The following SLC1A4 variants were observed in gnomAD, a reference collection of about 807,000 sequenced individuals.
SLC1A4 encodes the protein neutral amino acid transporter A.
A neutral mutation model predicts 37.7 loss-of-function variants in SLC1A4; 19 were observed. The ratio of observed to expected loss-of-function variants is 0.50; its 90% CI spans 0.35 to 0.74. The LOEUF (loss-of-function observed/expected upper bound fraction) is 0.74, where lower values mean the gene tolerates loss of function less well. Ranked by LOEUF, SLC1A4 falls within the 30% of genes least tolerant of loss-of-function variation. SLC1A4 has a pLI of 0.01. For synonymous variants in SLC1A4, 299 were observed against 309.8 expected (o/e 0.97, Z 0.37); for missense variants, 570 against 712.9 (o/e 0.80, Z 2.28).
chr2:65,002,641 G>A (rs374732702), intron 2 of SLC1A4, among the ~76,000 whole-genome samples: 17 of 139,724 alleles, frequency 1.2e-4, no homozygotes, highest in Admixed American at 9.5e-4. Context: ...GCAGTGGCGC[G>A]ATCTTGGCTC....
intron 4 of SLC1A4, among the ~76,000 whole-genome samples, chr2:65,014,816 A>C (rs1261697327): frequency 6.6e-6 from 1 of 152,270 alleles, no homozygotes; most frequent in Admixed American, 6.5e-5. Flanking sequence ...GTTTGTAACG[A>C]TAAACCTGGG....
At chr2:65,017,472 T>C (rs1376454814) in intron 5 of SLC1A4, among the ~76,000 whole-genome samples, 1 of 151,900 alleles carries the variant, frequency 6.6e-6, no homozygotes, top group East Asian at 1.9e-4. Context: ...TGGATGGCTA[T>C]TTATATAACA....
chr2:64,989,127 C>T (rs1417062633), upstream of SLC1A4, among the ~76,000 whole-genome samples: 1 of 151,940 alleles, frequency 6.6e-6, no homozygotes, highest in Non-Finnish European at 1.5e-5. Flanking sequence ...GTTAGCCGGG[C>T]GGGTAGGCGG....
At chr2:65,019,923 G>A (rs1475719295) in intron 7 of SLC1A4, among the ~76,000 whole-genome samples, 1 of 152,252 alleles carries the variant, frequency 6.6e-6, no homozygotes, top group Non-Finnish European at 1.5e-5. Context: ...TCTGCAGACA[G>A]CAGGACGGCA....
chr2:65,009,980 G>A (rs943180516), intron 3 of SLC1A4, among the ~76,000 whole-genome samples: 6 of 151,316 alleles, frequency 4.0e-5, no homozygotes, highest in African/African-American at 1.5e-4. Flanking sequence ...CGCCCAGGCT[G>A]GAGTGCAATG....
In SLC1A4 at chr2:65,018,721, G is replaced by C; in HGVS notation, c.1364+42G>C. The C allele has an allele frequency of 6.2e-7, 1 of 1,610,136 alleles. No individual in the cohort carries two copies. The highest frequency in any genetic ancestry group is 1.3e-5 in the African/African-American group (1 of 75,022). On this transcript the variant is annotated intron_variant, in intron 7 of 7. Transcript: ENST00000234256. The surrounding 1 kb of genome is among the most constrained non-coding windows in gnomAD (Gnocchi z 4.3). ...GAGAACACCAAAAAGAGTCTGCACT[G>C]AGTTCCCTAGGAGCTTAGCACTGCT...
At position 65,018,664 on chromosome 2, in the gene SLC1A4, C is replaced by T; in HGVS notation, c.1349C>T (p.Ala450Val). The T allele has an allele frequency of 1.2e-6, 2 of 1,614,178 alleles. No homozygotes were observed. Among genetic ancestry groups the T allele is most frequent in the Non-Finnish European group, 1.7e-6 (2 of 1,180,020 alleles). The change falls in exon 7 of 8, where the codon GCT becomes GTT. Residue 450 changes from alanine (A) to valine (V), a missense_variant. Coordinates refer to ENST00000234256, the MANE Select transcript of SLC1A4 (RefSeq NM_003038.5). This position sits in a 1 kb window ranked among gnomAD's most constrained non-coding sequence, Gnocchi z 4.3. ...ACTCATGACCTGCCTCTGATCCTGG[C>T]TGTGGACTGGATTGTGTAAGTAACA... ...LPTHDLPLIL[A>V]VDWIVDRTTT...
At chr2:65,003,455 A>C (rs970754100) in intron 2 of SLC1A4, among the ~76,000 whole-genome samples, 9 of 152,198 alleles carry the variant, frequency 5.9e-5, no homozygotes, top group Middle Eastern at 3.2e-3. Flanking sequence ...CCTGGCTTTC[A>C]AGAGTGGAGG....
At chr2:65,009,844 G>A (rs1174052861) in intron 3 of SLC1A4, among the ~76,000 whole-genome samples, 10 of 152,148 alleles carry the variant, frequency 6.6e-5, no homozygotes, top group African/African-American at 9.7e-5. Flanking sequence ...GAAGTTTGTC[G>A]GCTAGGAGGT....
chr2:65,021,483 T>C lies in SLC1A4; in HGVS notation c.*337T>C. ...CTGTGTGGTTACATCTTGGAAAAAA[T>C]GCAGATGTATTTCACTCTCCCCGGT... On this transcript the variant is annotated 3_prime_UTR_variant, in exon 8 of 8. Coordinates refer to ENST00000234256, the MANE Select transcript of SLC1A4 (RefSeq NM_003038.5). 3.4e-6 allele frequency: 1 copy of C among 290,364 alleles called. No individual in the cohort carries two copies. The highest frequency in any genetic ancestry group is 6.5e-6 in the Non-Finnish European group (1 of 154,144). The allele number at this position is 290,364 out of a possible 1,614,324, so 18.0% of individuals were successfully genotyped here. A position where few individuals can be genotyped will look rare whatever the true frequency, so the allele number is the denominator to read the frequency against.
At chr2:65,016,013 A>G (rs958345091) in intron 4 of SLC1A4, among the ~76,000 whole-genome samples, 1 of 152,252 alleles carries the variant, frequency 6.6e-6, no homozygotes, top group East Asian at 1.9e-4. Flanking sequence ...ATTTTCTATC[A>G]CAGCCACTCT....
intron 1 of SLC1A4, among the ~76,000 whole-genome samples, chr2:64,992,729 T>A (rs963820266): frequency 6.6e-6 from 1 of 152,152 alleles, no homozygotes; most frequent in African/African-American, 2.4e-5. Context: ...CTTAGTAATG[T>A]CACCTGCCTA....
chr2:64,993,829 G>A (rs1164071351), intron 1 of SLC1A4, among the ~76,000 whole-genome samples: 1 of 152,176 alleles, frequency 6.6e-6, no homozygotes, highest in Non-Finnish European at 1.5e-5. Flanking sequence ...GGTTAGCTGG[G>A]TTGTGTCTAA....
chr2:64,990,135 C>T lies in SLC1A4; in HGVS notation c.492C>T (p.Pro164=). Residue 164 remains proline (P), a synonymous_variant, in exon 1 of 8, where the codon CCC becomes CCT. Transcript: ENST00000234256. ...GLEDSGPPPV[P]KETVDSFLDL... is the part of the protein sequence containing the mutation. ...AGGACTCGGGGCCTCCTCCTGTCCCCAAAGAGACGGTGGACTCTTTCCTCG... is the reference window on the plus strand; with the variant it reads ...AGGACTCGGGGCCTCCTCCTGTCCCTAAAGAGACGGTGGACTCTTTCCTCG... The T allele has an allele frequency of 6.2e-7, 1 of 1,610,356 alleles. No homozygotes were observed. Among genetic ancestry groups the T allele is most frequent in the Non-Finnish European group, 8.5e-7 (1 of 1,178,216 alleles).
intron 1 of SLC1A4, among the ~76,000 whole-genome samples, chr2:64,991,745 C>T (rs1572940112): frequency 1.3e-5 from 2 of 152,148 alleles, no homozygotes; most frequent in Admixed American, 1.3e-4. Context: ...GGATTACAGG[C>T]GCGTGCCACC....
chr2:64,994,362 GAA>G (rs1673171674), intron 1 of SLC1A4, among the ~76,000 whole-genome samples: 2 of 152,248 alleles, frequency 1.3e-5, no homozygotes. Context: ...TTCAAATGGA[GAA>G]CCAAGGTGTA....
At chr2:65,009,330 C>A (rs1298440583) in intron 3 of SLC1A4, among the ~76,000 whole-genome samples, 1 of 151,412 alleles carries the variant, frequency 6.6e-6, no homozygotes, top group African/African-American at 2.4e-5. Context: ...CTGAGATCAC[C>A]CCATTGCACT....
Position 65,018,692 on chromosome 2 carries a change from T to C in SLC1A4, c.1364+13T>C, listed in dbSNP as rs781021574. 1.2e-6 allele frequency: 2 copies of C among 1,613,858 alleles called. No homozygotes were observed. The highest frequency in any genetic ancestry group is 2.7e-5 in the African/African-American group (2 of 74,926). On this transcript the variant is annotated intron_variant, in intron 7 of 7. Transcript: ENST00000234256. The surrounding 1 kb of genome is among the most constrained non-coding windows in gnomAD (Gnocchi z 4.3). ...TGGACTGGATTGTGTAAGTAACAAG[T>C]CCTGAGAACACCAAAAAGAGTCTGC...
Position 64,989,765 on chromosome 2 carries a change from G to C in SLC1A4, c.122G>C (p.Arg41Pro). Residue 41 changes from arginine (R) to proline (P), a missense_variant, in exon 1 of 8, where the codon CGC becomes CCC. Arg to Pro is a moderately radical substitution (Grantham distance 103). Coordinates refer to ENST00000234256, the MANE Select transcript of SLC1A4 (RefSeq NM_003038.5). ...RARRCAGFLR[R>P]QALVLLTVSG... Reference sequence around the variant, plus strand: ...CGGCGTTGCGCGGGCTTCCTGCGGCGCCAAGCGCTGGTGCTGCTCACCGTG... The same window carrying C: ...CGGCGTTGCGCGGGCTTCCTGCGGCCCCAAGCGCTGGTGCTGCTCACCGTG... 1 of 1,447,766 alleles carries C rather than the reference G, an allele frequency of 6.9e-7. No homozygotes were observed. Among genetic ancestry groups the C allele is most frequent in the Non-Finnish European group, 9.0e-7 (1 of 1,108,700 alleles). The allele number at this position is 1,447,766 out of a possible 1,614,324, so 89.7% of individuals were successfully genotyped here. A position where few individuals can be genotyped will look rare whatever the true frequency, so the allele number is the denominator to read the frequency against.
Sources: gnomAD v4.1 joint callset for allele counts (sites outside exome capture counted in the v4.1 genomes callset) on GRCh38, gnomAD v4.1.1 for gene constraint, Gnocchi (gnomAD v3.1) non-coding constraint, MANE v1.5 for transcripts, NCBI Gene and HGNC (gene_info 2026-07-23, HGNC 2026-07-21) for gene names.